Variants in IPO9 observed in about 807,000 individuals in gnomAD.
IPO9 encodes the protein importin 9.
In IPO9, 28 loss-of-function variants were observed where a neutral mutation model predicts 128.6. That is an observed-to-expected ratio of 0.22 (90% CI 0.16 to 0.30). IPO9 has a LOEUF of 0.30. Among genes scored for constraint, IPO9 ranks in the 10% least tolerant of loss-of-function variants. The pLI is 1.00. For synonymous variants in IPO9, 455 were observed against 475.8 expected (o/e 0.96, Z 0.57); for missense variants, 935 against 1,293.9 (o/e 0.72, Z 4.26).
chr1:201,842,497 G>A (rs1680052587), intron 1 of IPO9, among the ~76,000 whole-genome samples: 1 of 152,092 alleles, frequency 6.6e-6, no homozygotes, highest in Non-Finnish European at 1.5e-5. Context: ...TATTTCCAGT[G>A]ACCAGCCCCC....
chr1:201,845,215 C>T (rs1458715177), intron 1 of IPO9, among the ~76,000 whole-genome samples: 2 of 152,172 alleles, frequency 1.3e-5, no homozygotes, highest in Non-Finnish European at 2.9e-5. Context: ...GGGATTTCTC[C>T]ATGTTGGTCA....
At chr1:201,871,028 TCCCATGTTTTCTTGTCCTGTGGATAATA>T in intron 18 of IPO9, 105 bp from the exon 19 acceptor site, 1 of 1,263,436 alleles carries the variant, frequency 7.9e-7, no homozygotes, top group African/African-American at 1.5e-5. Context: ...CAAGGAAATC[TCCCATGTTTTCTTGTCCTGTGGATAATA>T]CCCTCAGTGT....
chr1:201,868,871 CAAG>C, intron 16 of IPO9, 75 bp downstream of exon 16: 2 of 1,481,820 alleles, frequency 1.3e-6, no homozygotes, highest in Non-Finnish European at 1.8e-6. Flanking sequence ...ATCTAGCTGA[CAAG>C]AACCTAATAG....
rs1264650139 is a variant in IPO9, at chr1:201,829,187, C to T, written c.-23C>T. On this transcript the variant is annotated 5_prime_UTR_variant, in exon 1 of 24. Coordinates refer to ENST00000361565, the MANE Select transcript of IPO9 (RefSeq NM_018085.5). ...TCGGTGGCGGGTCCCGGCCGCGGGG[C>T]TGGCGGGCTGAGGGGAGAAAAGATG... 2.0e-6 allele frequency: 3 copies of T among 1,487,642 alleles called. No homozygotes were observed. The highest frequency in any genetic ancestry group is 2.3e-5 in the Admixed American group (1 of 42,726). 92.2% of individuals were successfully genotyped at this position (1,487,642 alleles called of 1,614,324 possible).
intron 1 of IPO9, among the ~76,000 whole-genome samples, chr1:201,841,608 T>C (rs1363193330): frequency 6.6e-6 from 1 of 152,190 alleles, no homozygotes; most frequent in Non-Finnish European, 1.5e-5. Flanking sequence ...AATTCTCCAC[T>C]AAAAGACAGC....
At chr1:201,865,441 C>T (rs769662631) in intron 14 of IPO9, among the ~76,000 whole-genome samples, 3 of 152,060 alleles carry the variant, frequency 2.0e-5, no homozygotes, top group Admixed American at 6.5e-5. Flanking sequence ...CTCCTGACCT[C>T]GGGTGATCCG....
chr1:201,859,207 A>ATATATATATATAT (rs1491106859), intron 13 of IPO9, among the ~76,000 whole-genome samples: 25 of 140,486 alleles, frequency 1.8e-4, no homozygotes, highest in East Asian at 4.2e-4. Flanking sequence ...ATATATATAT[A>ATATATATATATAT]AAGGAAACTC....
chr1:201,832,290 G>C (rs1258496412), intron 1 of IPO9, among the ~76,000 whole-genome samples: 2 of 143,674 alleles, frequency 1.4e-5, no homozygotes, highest in African/African-American at 5.2e-5. Context: ...CTCACTCTGT[G>C]GTCCAGGGCC....
chr1:201,830,719 G>A (rs1453637552), intron 1 of IPO9, among the ~76,000 whole-genome samples: 3 of 152,178 alleles, frequency 2.0e-5, no homozygotes, highest in Non-Finnish European at 2.9e-5. Flanking sequence ...CAAAGCAAAG[G>A]AACCTCATCA....
At chr1:201,871,050 G>T in intron 18 of IPO9, 111 bp from the exon 19 acceptor site, 2 of 1,284,028 alleles carry the variant, frequency 1.6e-6, no homozygotes, top group Non-Finnish European at 2.2e-6. Flanking sequence ...TTGTCCTGTG[G>T]ATAATACCCT....
intron 1 of IPO9, among the ~76,000 whole-genome samples, chr1:201,838,419 A>G (rs369229666): frequency 6.6e-6 from 1 of 152,194 alleles, no homozygotes; most frequent in East Asian, 1.9e-4. Flanking sequence ...TGTGTTTTAG[A>G]ATCAGTTCTG....
At chr1:201,830,833 G>A (rs2102864885) in intron 1 of IPO9, among the ~76,000 whole-genome samples, 1 of 152,312 alleles carries the variant, frequency 6.6e-6, no homozygotes, top group Non-Finnish European at 1.5e-5. Flanking sequence ...CCAAATGCAT[G>A]TCTGGCACCT....
At chr1:201,841,220 T>C (rs1252950613) in intron 1 of IPO9, among the ~76,000 whole-genome samples, 1 of 152,192 alleles carries the variant, frequency 6.6e-6, no homozygotes, top group African/African-American at 2.4e-5. Context: ...AGTAAAATAG[T>C]ATTTGACTGC....
chr1:201,851,179 C>CTT lies in IPO9; in HGVS notation c.515-908_515-907dup, dbSNP rs36020873. ...TGCAGACACATGCCACCACATGCAG[C>CTT]TTTTTTTTTTTTTTTTTTAAATGTA... On this transcript the variant is annotated intron_variant, in intron 4 of 23. Transcript: ENST00000361565. Among the ~76,000 whole-genome samples the CTT allele has an allele frequency of 5.4e-3, 721 of 133,482 alleles. 4 individuals are homozygous for CTT. The highest frequency in any genetic ancestry group is 0.012 in the Middle Eastern group (3 of 258). The allele number at this position is 133,482 out of a possible 152,430, so 87.6% of individuals were successfully genotyped here.
At chr1:201,862,821 A>G (rs78514845) in intron 13 of IPO9, among the ~76,000 whole-genome samples, 1 of 151,992 alleles carries the variant, frequency 6.6e-6, no homozygotes. Context: ...AAAAAAAAAA[A>G]AAGATTAACT....
rs1394664827 is a variant in IPO9 at position 201,876,146 on chromosome 1, C to T, written c.*92C>T. ...CCTTGAGATGCACTTTCTTCTCAAC[C>T]TAAAGTGGCATCTTGACCCTTGGCC... On this transcript the variant is annotated 3_prime_UTR_variant, in exon 24 of 24. Transcript: ENST00000361565. The T allele has an allele frequency of 1.1e-6, 1 of 897,380 alleles. No individual in the cohort carries two copies. Among genetic ancestry groups the T allele is most frequent in the Non-Finnish European group, 1.9e-6 (1 of 525,492 alleles). 55.6% of individuals were successfully genotyped at this position (897,380 alleles called of 1,614,324 possible). A position where few individuals can be genotyped will look rare whatever the true frequency, so the allele number is the denominator to read the frequency against.
intron 4 of IPO9, among the ~76,000 whole-genome samples, chr1:201,851,065 A>G (rs1680206173): frequency 6.6e-6 from 1 of 152,064 alleles, no homozygotes; most frequent in Non-Finnish European, 1.5e-5. Context: ...ACCCAGGCTC[A>G]GGTACAGTGG....
At chr1:201,854,452 T>C (rs1680291066) in intron 6 of IPO9, 143 bp from the exon 7 acceptor site, 4 of 978,816 alleles carry the variant, frequency 4.1e-6, no homozygotes, top group African/African-American at 3.3e-5. Flanking sequence ...ACACCTTCAT[T>C]GACTTTATAG....
intron 13 of IPO9, among the ~76,000 whole-genome samples, chr1:201,859,694 T>C (rs1487775830): frequency 6.6e-6 from 1 of 152,202 alleles, no homozygotes; most frequent in Non-Finnish European, 1.5e-5. Flanking sequence ...GCGCGATGGC[T>C]CATGCCTCTA....
Sources: gnomAD v4.1 joint callset for allele counts (sites outside exome capture counted in the v4.1 genomes callset) on GRCh38, gnomAD v4.1.1 for gene constraint, MANE v1.5 for transcripts, NCBI Gene and HGNC (gene_info 2026-07-23, HGNC 2026-07-21) for gene names.